Variants in EPHB1 observed in about 807,000 individuals in gnomAD.
EPHB1 encodes the protein EPH receptor B1, also known as ephrin type-B receptor 1.
In EPHB1, 30 loss-of-function variants were observed where a neutral mutation model predicts 94.4. The ratio of observed to expected loss-of-function variants is 0.32; its 90% confidence interval spans 0.24 to 0.43. The LOEUF (loss-of-function observed/expected upper bound fraction) is 0.43. Among genes scored for constraint, EPHB1 ranks in the 20% least tolerant of loss-of-function variants. The pLI, the probability that EPHB1 is intolerant of heterozygous loss-of-function variation, is 1.00. For missense variants in EPHB1, 1,055 were observed against 1,308.3 expected, an observed-to-expected ratio of 0.81 and a Z score of 2.99; for synonymous variants, 522 against 489.1, an observed-to-expected ratio of 1.07 and a Z score of -0.89.
chr3:135,097,164 C>CTT (rs1938825632), intron 3 of EPHB1, among the ~76,000 whole-genome samples: 3 of 102,994 alleles, frequency 2.9e-5, no homozygotes, highest in East Asian at 3.2e-4. Context: ...ATTTTTTTTT[C>CTT]TTTGTTTTTT....
At chr3:134,913,035 G>C (rs1424473030) in intron 1 of EPHB1, among the ~76,000 whole-genome samples, 1 of 152,220 alleles carries the variant, frequency 6.6e-6, no homozygotes, top group Non-Finnish European at 1.5e-5. Flanking sequence ...CAAATGAAAG[G>C]CTTTTTGGTT....
intron 3 of EPHB1, chr3:134,977,950 G>T (rs549538311): frequency 2.2e-6 from 1 of 456,052 alleles, no homozygotes; most frequent in South Asian, 1.6e-5. Flanking sequence ...CATCCATTCT[G>T]TTTTTCTTTC....
At chr3:134,838,725 G>A (rs767338264) in intron 1 of EPHB1, among the ~76,000 whole-genome samples, 1 of 152,174 alleles carries the variant, frequency 6.6e-6, no homozygotes, top group African/African-American at 2.4e-5. Flanking sequence ...ATAAATGGGT[G>A]TATCTGGATC....
chr3:135,077,270 C>A (rs1370385127), intron 3 of EPHB1, among the ~76,000 whole-genome samples: 1 of 152,180 alleles, frequency 6.6e-6, no homozygotes, highest in Non-Finnish European at 1.5e-5. Flanking sequence ...CTGCCATTCC[C>A]TTCTGCAGGA....
chr3:135,138,098 GATCTT>G (rs1940686370), intron 5 of EPHB1, among the ~76,000 whole-genome samples: 2 of 152,202 alleles, frequency 1.3e-5, no homozygotes, highest in Non-Finnish European at 2.9e-5. Flanking sequence ...TCACTTGCAT[GATCTT>G]ATCAGCACAA....
At chr3:134,856,753 T>G (rs1354968477) in intron 1 of EPHB1, among the ~76,000 whole-genome samples, 1 of 152,262 alleles carries the variant, frequency 6.6e-6, no homozygotes, top group Non-Finnish European at 1.5e-5. Flanking sequence ...CTTTAAGTGG[T>G]AACACTTTGG....
chr3:134,830,479 G>A (rs2036562004), intron 1 of EPHB1, among the ~76,000 whole-genome samples: 1 of 152,058 alleles, frequency 6.6e-6, no homozygotes, highest in African/African-American at 2.4e-5. Flanking sequence ...ACATTGTCCT[G>A]AGGATGGTGG....
intron 6 of EPHB1, chr3:135,154,512 C>T: frequency 2.2e-6 from 1 of 462,528 alleles, no homozygotes; most frequent in East Asian, 3.8e-5. Context: ...ATCCTGCAAT[C>T]TGGATAGTTC....
At chr3:135,237,979 G>T (rs954476419) in intron 12 of EPHB1, among the ~76,000 whole-genome samples, 1 of 152,092 alleles carries the variant, frequency 6.6e-6, no homozygotes, top group African/African-American at 2.4e-5. Flanking sequence ...CACAGGGCTG[G>T]TCACCATCCT....
intron 15 of EPHB1, 78 bp downstream of exon 15, chr3:135,249,569 T>A (rs1234294557): frequency 6.6e-7 from 1 of 1,507,324 alleles, no homozygotes; most frequent in Non-Finnish European, 9.0e-7. Flanking sequence ...ATGGTGTGAG[T>A]CCTATTTCTG....
At position 134,795,442 on chromosome 3, in the gene EPHB1, C is replaced by T; in HGVS notation, c.-190C>T. The T allele has an allele frequency of 1.7e-6, 1 of 577,706 alleles. No individual in the cohort carries two copies. The highest frequency in any genetic ancestry group is 3.0e-6 in the Non-Finnish European group (1 of 334,600). 35.8% of individuals were successfully genotyped at this position (577,706 alleles called of 1,614,324 possible). A position where few individuals can be genotyped will look rare whatever the true frequency, so the allele number is the denominator to read the frequency against. ...ACACATGCACACCCACACCCACGCG[C>T]GCCCGCACCGCCCCACGCGCACACA... On this transcript the variant is annotated 5_prime_UTR_variant, in exon 1 of 16. Transcript: ENST00000398015.
chr3:135,152,018 A>G (rs1048463572), intron 5 of EPHB1, among the ~76,000 whole-genome samples: 4 of 152,250 alleles, frequency 2.6e-5, no homozygotes, highest in African/African-American at 9.6e-5. Flanking sequence ...TTTTATTCTA[A>G]TCTTTGCTGC....
intron 3 of EPHB1, among the ~76,000 whole-genome samples, chr3:135,082,545 T>A (rs1938201109): frequency 6.6e-6 from 1 of 152,192 alleles, no homozygotes; most frequent in South Asian, 2.1e-4. Context: ...CTCCACATCC[T>A]GTAGGGACAG....
intron 1 of EPHB1, among the ~76,000 whole-genome samples, chr3:134,880,078 C>T (rs756087288): frequency 6.6e-6 from 1 of 152,238 alleles, no homozygotes; most frequent in Non-Finnish European, 1.5e-5. Flanking sequence ...TCAGCAACTG[C>T]ACCTTTTGCT....
At chr3:134,890,588 C>T (rs2037959953) in intron 1 of EPHB1, among the ~76,000 whole-genome samples, 1 of 152,190 alleles carries the variant, frequency 6.6e-6, no homozygotes, top group South Asian at 2.1e-4. Context: ...TTCAGCTCTC[C>T]TATATAGAGC....
chr3:135,133,086 G>A (rs1488895921), intron 5 of EPHB1, 37 bp downstream of exon 5: 2 of 1,536,234 alleles, frequency 1.3e-6, no homozygotes, highest in African/African-American at 2.7e-5. Flanking sequence ...GTTTGGATGT[G>A]TGGCTGGCTC....
chr3:135,214,170 A>G (rs1943091042), intron 12 of EPHB1, among the ~76,000 whole-genome samples: 1 of 152,064 alleles, frequency 6.6e-6, no homozygotes, highest in African/African-American at 2.4e-5. Flanking sequence ...CCTTCTGGGA[A>G]CTGCAAACAG....
Position 134,991,908 on chromosome 3 carries a change from G to C in EPHB1, c.805+39856G>C, listed in dbSNP as rs374165942. Among the ~76,000 whole-genome samples, 27 of 152,192 alleles carry C rather than the reference G, an allele frequency of 1.8e-4. No homozygotes were observed. In the South Asian group the frequency reaches 5.4e-3, roughly 30 times the overall value. On this transcript the variant is annotated intron_variant, in intron 3 of 15. Coordinates refer to ENST00000398015, the MANE Select transcript of EPHB1 (RefSeq NM_004441.5). ...TGCTCCCCATGGTAAGTATTTTGCTGCTTCTCCAGGTTGTGGTGTGTGGTT... is the reference window on the plus strand; with the variant it reads ...TGCTCCCCATGGTAAGTATTTTGCTCCTTCTCCAGGTTGTGGTGTGTGGTT...
At chr3:135,089,466 CT>C (rs1364095637) in intron 3 of EPHB1, among the ~76,000 whole-genome samples, 3 of 152,220 alleles carry the variant, frequency 2.0e-5, no homozygotes, top group African/African-American at 7.2e-5. Flanking sequence ...ACCAACACAA[CT>C]TTACAACCAA....
Sources: allele counts gnomAD v4.1 joint callset (sites outside exome capture counted in the v4.1 genomes callset), GRCh38; gene constraint gnomAD v4.1.1; transcripts MANE v1.5; gene names NCBI Gene and HGNC (gene_info 2026-07-23, HGNC 2026-07-21).